SERINC5: variants seen among roughly 807,000 people sequenced by gnomAD.
The protein encoded by SERINC5 is chromosome 5 open reading frame 12.
In SERINC5, 41 loss-of-function variants were observed where a neutral mutation model predicts 63.1. That is an observed-to-expected ratio of 0.65 (90% CI 0.51 to 0.84). The LOEUF is 0.84. Ranked by LOEUF, SERINC5 falls within the 40% of genes least tolerant of loss-of-function variation. The pLI is 0.00. For synonymous variants in SERINC5, 222 were observed against 215.2 expected, an observed-to-expected ratio of 1.03 and a Z score of -0.28; for missense variants, 523 against 573.0, an observed-to-expected ratio of 0.91 and a Z score of 0.89.
At chr5:80,243,863 A>G (rs1752051072) in intron 1 of SERINC5, among the ~76,000 whole-genome samples, 1 of 151,750 alleles carries the variant, frequency 6.6e-6, no homozygotes, top group Non-Finnish European at 1.5e-5. Flanking sequence ...TTTTCAAAGA[A>G]CTGAATCCCA....
chr5:80,176,128 G>A (rs139484239), intron 4 of SERINC5, among the ~76,000 whole-genome samples: 4,071 of 152,194 alleles, frequency 0.027, 155 homozygotes, highest in African/African-American at 0.088. Context: ...GCAGTGAGGC[G>A]AGATCGTGCC....
chr5:80,208,458 T>C (rs1750277438), intron 1 of SERINC5, among the ~76,000 whole-genome samples: 1 of 151,860 alleles, frequency 6.6e-6, no homozygotes, highest in Non-Finnish European at 1.5e-5. Context: ...AACGACTCAG[T>C]AAATGGATGT....
At chr5:80,200,960 A>G (rs530753331) in intron 2 of SERINC5, among the ~76,000 whole-genome samples, 71 of 151,724 alleles carry the variant, frequency 4.7e-4, no homozygotes, top group African/African-American at 1.7e-3. Context: ...TTAGCCAGGC[A>G]TGGTGGCACG....
intron 1 of SERINC5, among the ~76,000 whole-genome samples, chr5:80,249,784 A>G (rs1379571828): frequency 6.6e-6 from 1 of 152,172 alleles, no homozygotes; most frequent in Non-Finnish European, 1.5e-5. Flanking sequence ...CCTCGGCAAC[A>G]AGAGCGAAAA....
chr5:80,216,303 C>T (rs903388740), intron 1 of SERINC5, among the ~76,000 whole-genome samples: 1 of 152,188 alleles, frequency 6.6e-6, no homozygotes. Flanking sequence ...CCCCTCTCCC[C>T]TGCAAGGCGT....
intron 1 of SERINC5, 62 bp from the exon 2 acceptor site, chr5:80,203,115 G>T: frequency 6.8e-7 from 1 of 1,470,032 alleles, no homozygotes; most frequent in Non-Finnish European, 9.3e-7. Context: ...AAGAAACATG[G>T]CCAGGCACTG....
At chr5:80,212,887 G>A (rs1300351244) in intron 1 of SERINC5, among the ~76,000 whole-genome samples, 1 of 152,178 alleles carries the variant, frequency 6.6e-6, no homozygotes, top group Non-Finnish European at 1.5e-5. Flanking sequence ...ACATACACAT[G>A]TGGTTTATCT....
At chr5:80,126,491 C>T (rs1744755999) in intron 11 of SERINC5, among the ~76,000 whole-genome samples, 1 of 152,184 alleles carries the variant, frequency 6.6e-6, no homozygotes, top group African/African-American at 2.4e-5. Context: ...CATTCACTTA[C>T]TGATTTACTT....
At chr5:80,246,224 T>C (rs1752164853) in intron 1 of SERINC5, among the ~76,000 whole-genome samples, 1 of 152,024 alleles carries the variant, frequency 6.6e-6, no homozygotes, top group South Asian at 2.1e-4. Flanking sequence ...TCACCAAGGA[T>C]CAAAGCATTA....
chr5:80,242,139 A>G (rs926192927), intron 1 of SERINC5, among the ~76,000 whole-genome samples: 39 of 152,090 alleles, frequency 2.6e-4, no homozygotes, highest in African/African-American at 9.4e-4. Flanking sequence ...TGAAAACACA[A>G]CAAAACAAAA....
In SERINC5 at chr5:80,142,011, A is replaced by G. The variant is rs1404238246; in HGVS notation, c.*1652T>C. The G allele has an allele frequency of 1.0e-6, 1 of 985,338 alleles. No individual in the cohort carries two copies. Among genetic ancestry groups the G allele is most frequent in the Admixed American group, 6.2e-5 (1 of 16,258 alleles). 61.0% of individuals were successfully genotyped at this position (985,338 alleles called of 1,614,324 possible). On this transcript the variant is annotated 3_prime_UTR_variant, in exon 12 of 12. Transcript: ENST00000507668. ...TAATTTCACCCACCAGCATTTTGGC[A>G]CACAGAAGCCCAGCTTAGGTGGCAC...
In SERINC5 at chr5:80,172,036, C is replaced by T. The variant is rs140759013; in HGVS notation, c.552-2490G>A. Among the ~76,000 whole-genome samples the T allele has an allele frequency of 9.5e-3, 1,452 of 152,158 alleles. 26 individuals carry two copies. The highest frequency in any genetic ancestry group is 0.033 in the African/African-American group (1,389 of 41,516). On this transcript the variant is annotated intron_variant, in intron 5 of 11. Coordinates refer to ENST00000507668, the MANE Select transcript of SERINC5 (RefSeq NM_001174072.3). ...ATAAATATGTACAATTACAATATGTCAATTAAAAAATAAATTAGGGCATGG... is the reference window on the plus strand; with the variant it reads ...ATAAATATGTACAATTACAATATGTTAATTAAAAAATAAATTAGGGCATGG...
chr5:80,130,644 A>C (rs1229306202), intron 11 of SERINC5, among the ~76,000 whole-genome samples: 1 of 152,092 alleles, frequency 6.6e-6, no homozygotes, highest in Non-Finnish European at 1.5e-5. Flanking sequence ...CCTAAGTATC[A>C]CCCTTTCCTA....
In SERINC5 at chr5:80,138,878, GA is replaced by G. The variant is rs1745338830; in HGVS notation, c.*4784del. 1 of 974,152 alleles carries G rather than the reference GA, an allele frequency of 1.0e-6. No individual in the cohort carries two copies. The highest frequency in any genetic ancestry group is 1.2e-6 in the Non-Finnish European group (1 of 820,028). The allele number at this position is 974,152 out of a possible 1,614,324, so 60.3% of individuals were successfully genotyped here. On this transcript the variant is annotated 3_prime_UTR_variant, in exon 12 of 12. Transcript: ENST00000507668. The stretch of plus-strand genomic sequence containing the variant: ...AATTATATATGTATCTAGCAGAAGA[GA>G]AAAAAACAACACAGTTTTAATTTTA...
chr5:80,137,199 C>T (rs1745236055), downstream of SERINC5, among the ~76,000 whole-genome samples: 1 of 142,414 alleles, frequency 7.0e-6, no homozygotes, highest in Non-Finnish European at 1.5e-5. Context: ...AGTAGAAATA[C>T]CATATGATCC....
At chr5:80,237,900 C>A (rs1270001547) in intron 1 of SERINC5, among the ~76,000 whole-genome samples, 2 of 151,762 alleles carry the variant, frequency 1.3e-5, no homozygotes, top group East Asian at 2.0e-4. Context: ...GTCAAGAGAT[C>A]GAGACCATCC....
At chr5:80,138,466 C>CAT (rs1745305248), downstream of SERINC5, among the ~76,000 whole-genome samples, 1 of 152,014 alleles carries the variant, frequency 6.6e-6, no homozygotes, top group South Asian at 2.1e-4. Flanking sequence ...CATGATAGCA[C>CAT]ATGCCTGTAA....
Position 80,112,854 on chromosome 5 carries a change from C to T in SERINC5, c.*29+718G>A, listed in dbSNP as rs557803274. ...TGGTGCACACCTGTAGTCACAGGTG[C>T]TCGAGAGGCTGAGGTGGGAGAATCA... On this transcript the variant is annotated intron_variant, in intron 12 of 12. Transcript: ENST00000509193. Among the ~76,000 whole-genome samples, 10 of 152,202 alleles carry T rather than the reference C, an allele frequency of 6.6e-5. No homozygotes were observed. In the South Asian group the frequency reaches 2.1e-3, roughly 32 times the overall value.
At chr5:80,210,843 A>G (rs1750399343) in intron 1 of SERINC5, among the ~76,000 whole-genome samples, 1 of 152,210 alleles carries the variant, frequency 6.6e-6, no homozygotes, top group Admixed American at 6.5e-5. Flanking sequence ...GAAGAAGCCC[A>G]GGTAGATGAC....
Sources: gnomAD v4.1 joint callset for allele counts (sites outside exome capture counted in the v4.1 genomes callset) on GRCh38, gnomAD v4.1.1 for gene constraint, MANE v1.5 for transcripts, NCBI Gene and HGNC (gene_info 2026-07-23, HGNC 2026-07-21) for gene names.